Variants in ESR1 observed in about 807,000 individuals in gnomAD.
ESR1 encodes estrogen receptor.
ESR1 carries 12 observed loss-of-function variants against 52.7 expected under a neutral mutation model. That is an observed-to-expected ratio of 0.23 (90% CI 0.15 to 0.37). The LOEUF is 0.37. Among genes scored for constraint, ESR1 ranks in the 10% least tolerant of loss-of-function variants. The probability of loss-of-function intolerance (pLI) is 1.00; values close to 1 mark genes in which losing one functional copy is unlikely to be tolerated. For synonymous variants in ESR1, 305 were observed against 316.8 expected, an observed-to-expected ratio of 0.96 and a Z score of 0.39; for missense variants, 584 against 779.7, an observed-to-expected ratio of 0.75 and a Z score of 2.99.
chr6:151,938,868 C>T (rs73784106), intron 3 of ESR1, among the ~76,000 whole-genome samples: 46 of 152,278 alleles, frequency 3.0e-4, no homozygotes, highest in African/African-American at 1.0e-3. Flanking sequence ...TGCACACTTA[C>T]AGTGGGCTTG....
intron 2 of ESR1, among the ~76,000 whole-genome samples, chr6:151,707,625 C>G (rs947136543): frequency 6.6e-6 from 1 of 151,978 alleles, no homozygotes; most frequent in African/African-American, 2.4e-5. Flanking sequence ...TGTGGTCCAC[C>G]ATTTATTTCC....
At chr6:151,948,680 ACTTCAGGTTGCCTC>A (rs1488371245) in intron 4 of ESR1, among the ~76,000 whole-genome samples, 1 of 151,906 alleles carries the variant, frequency 6.6e-6, no homozygotes, top group Non-Finnish European at 1.5e-5. Context: ...CCTGTCATTT[ACTTCAGGTTGCCTC>A]CTTGCTCAGT....
intron 3 of ESR1, among the ~76,000 whole-genome samples, chr6:151,928,862 T>C (rs1182065446): frequency 6.6e-6 from 1 of 152,154 alleles, no homozygotes; most frequent in Non-Finnish European, 1.5e-5. Context: ...AATATTTCGA[T>C]ATTTTCCAGC....
intron 3 of ESR1, among the ~76,000 whole-genome samples, chr6:151,926,741 G>T (rs1213658914): frequency 2.0e-5 from 3 of 152,006 alleles, no homozygotes; most frequent in South Asian, 2.1e-4. Flanking sequence ...GGGAGATTTT[G>T]TTGTTGTTGT....
intron 3 of ESR1, among the ~76,000 whole-genome samples, chr6:151,895,724 G>T (rs957805769): frequency 1.3e-5 from 2 of 152,162 alleles, no homozygotes; most frequent in Non-Finnish European, 2.9e-5. Flanking sequence ...AACCATCCCT[G>T]CATCCCTGGT....
At chr6:152,040,227 G>C (rs1468604671) in intron 5 of ESR1, among the ~76,000 whole-genome samples, 1 of 152,168 alleles carries the variant, frequency 6.6e-6, no homozygotes, top group Non-Finnish European at 1.5e-5. Flanking sequence ...GTACGTGGAA[G>C]TCCATGTTGC....
upstream of ESR1, among the ~76,000 whole-genome samples, chr6:151,799,669 A>G (rs1253102057): frequency 6.6e-6 from 1 of 152,222 alleles, no homozygotes; most frequent in East Asian, 1.9e-4. Flanking sequence ...GAAATCCAAC[A>G]GCATGATAAG....
chr6:152,010,103 G>A (rs1426825954), intron 4 of ESR1, among the ~76,000 whole-genome samples: 1 of 152,148 alleles, frequency 6.6e-6, no homozygotes, highest in African/African-American at 2.4e-5. Flanking sequence ...GATGGTAAGA[G>A]AGAGGGCCAT....
chr6:152,059,091 A>G (rs9371238), intron 5 of ESR1, among the ~76,000 whole-genome samples: 33,342 of 152,008 alleles, frequency 0.22, 5,314 homozygotes, highest in African/African-American at 0.44. Context: ...ACGCCAAAAT[A>G]AATCCCCAAA....
chr6:151,989,011 C>T (rs967678163), intron 4 of ESR1, among the ~76,000 whole-genome samples: 2 of 151,944 alleles, frequency 1.3e-5, no homozygotes, highest in African/African-American at 4.8e-5. Flanking sequence ...CTGAATATCC[C>T]GATGCATCTC....
At chr6:151,850,258 T>A (rs1786398728) in intron 2 of ESR1, among the ~76,000 whole-genome samples, 1 of 149,920 alleles carries the variant, frequency 6.7e-6, no homozygotes, top group Non-Finnish European at 1.5e-5. Context: ...TATACTGTGG[T>A]GTAACCCACA....
intron 1 of ESR1, among the ~76,000 whole-genome samples, chr6:151,692,221 G>A (rs1196084701): frequency 6.6e-6 from 1 of 152,174 alleles, no homozygotes; most frequent in East Asian, 1.9e-4. Context: ...ATTGGGTTTA[G>A]AGCTAGCTAC....
intron 4 of ESR1, among the ~76,000 whole-genome samples, chr6:151,970,504 A>T (rs1338459202): frequency 6.6e-6 from 1 of 152,190 alleles, no homozygotes; most frequent in Non-Finnish European, 1.5e-5. Context: ...CCTAGTGCTT[A>T]TGGAACTTGG....
At chr6:151,766,909 T>C (rs760069517) in intron 2 of ESR1, among the ~76,000 whole-genome samples, 2 of 152,218 alleles carry the variant, frequency 1.3e-5, no homozygotes, top group African/African-American at 2.4e-5. Flanking sequence ...AGAAGTACAA[T>C]ACCTGTCATC....
At chr6:151,850,114 T>TATA (rs61329041) in intron 2 of ESR1, among the ~76,000 whole-genome samples, 521 of 34,988 alleles carry the variant, frequency 0.015, 121 homozygotes, top group African/African-American at 0.051. Flanking sequence ...ATATACAAAA[T>TATA]TATATATATA....
chr6:151,731,467 A>G (rs772837515), intron 2 of ESR1, among the ~76,000 whole-genome samples: 21 of 152,074 alleles, frequency 1.4e-4, no homozygotes, highest in Non-Finnish European at 2.6e-4. Context: ...CAATGTGGAC[A>G]TGGGCAGCTG....
chr6:151,829,794 G>A (rs1307340835), intron 1 of ESR1, among the ~76,000 whole-genome samples: 4 of 152,146 alleles, frequency 2.6e-5, no homozygotes, highest in Non-Finnish European at 5.9e-5. Flanking sequence ...AGAGGGGTTC[G>A]GTGACTTGTT....
intron 4 of ESR1, among the ~76,000 whole-genome samples, chr6:151,999,320 CAG>C (rs1202818801): frequency 5.9e-5 from 9 of 152,134 alleles, no homozygotes; most frequent in South Asian, 2.1e-4. Context: ...TGCATTTTCA[CAG>C]AGTTTCTTTA....
intron 2 of ESR1, among the ~76,000 whole-genome samples, chr6:151,720,643 A>G (rs1781387167): frequency 6.6e-6 from 1 of 152,320 alleles, no homozygotes; most frequent in South Asian, 2.1e-4. Flanking sequence ...AAAAACAACA[A>G]GTATAATTGC....
Sources: allele counts gnomAD v4.1 joint callset (sites outside exome capture counted in the v4.1 genomes callset), GRCh38; gene constraint gnomAD v4.1.1; transcripts MANE v1.5; gene names NCBI Gene and HGNC (gene_info 2026-07-23, HGNC 2026-07-21).